The following ADI1 variants were observed in gnomAD, a reference collection of about 807,000 sequenced individuals.
ADI1 encodes the protein acireductone dioxygenase 1, also known as acireductone dioxygenase.
Under a neutral mutation model 18.7 loss-of-function variants are expected in ADI1, and 21 were observed. That is an observed-to-expected ratio of 1.13 (90% confidence interval 0.80 to 1.62). The LOEUF (loss-of-function observed/expected upper bound fraction) is 1.62. ADI1 is among the 40% of genes most tolerant of loss of function. The probability of loss-of-function intolerance (pLI) is 0.00; values close to 1 mark genes in which losing one functional copy is unlikely to be tolerated. For synonymous variants in ADI1, 90 were observed against 100.1 expected, an observed-to-expected ratio of 0.90 and a Z score of 0.60; for missense variants, 245 against 254.9, an observed-to-expected ratio of 0.96 and a Z score of 0.26.
chr2:3,499,549 A>T (rs1666947629), intron 3 of ADI1, among the ~76,000 whole-genome samples: 1 of 152,212 alleles, frequency 6.6e-6, no homozygotes, highest in Non-Finnish European at 1.5e-5. Flanking sequence ...ACTTTTAGGA[A>T]TTTACCCTAC....
At chr2:3,512,436 C>T (rs558080926) in intron 2 of ADI1, among the ~76,000 whole-genome samples, 1 of 152,240 alleles carries the variant, frequency 6.6e-6, no homozygotes, top group Non-Finnish European at 1.5e-5. Context: ...CAGAGCCCCT[C>T]TGCCCTACAG....
chr2:3,509,916 G>A (rs1341028476), intron 2 of ADI1, among the ~76,000 whole-genome samples: 1 of 152,012 alleles, frequency 6.6e-6, no homozygotes, highest in African/African-American at 2.4e-5. Flanking sequence ...GGCCAAGACA[G>A]GAGGATCACC....
Position 3,513,931 on chromosome 2 carries a change from G to C in ADI1, c.166C>G (p.Arg56Gly), listed in dbSNP as rs759756504. The change falls in exon 2 of 4, where the codon CGA becomes GGA. Residue 56 changes from arginine to glycine, a missense_variant. Coordinates refer to ENST00000327435, the MANE Select transcript of ADI1 (RefSeq NM_018269.4). ...ATCCAGGAGTAGTTCCTCTCTCTTC[G>C]GATCTTTTCTAATTCTGGATCATTC... ...YENDPELEKI[R>G]RERNYSWMDI... The C allele has an allele frequency of 2.5e-6, 4 of 1,611,652 alleles. No individual in the cohort carries two copies. The highest frequency in any genetic ancestry group is 1.1e-5 in the South Asian group (1 of 90,374).
intron 2 of ADI1, among the ~76,000 whole-genome samples, chr2:3,503,155 G>A (rs948893234): frequency 6.6e-6 from 1 of 150,714 alleles, no homozygotes; most frequent in Non-Finnish European, 1.5e-5. Flanking sequence ...ACACGTACAC[G>A]CTCTCACATG....
In ADI1 at chr2:3,503,732, A is replaced by C. The variant is rs143408250; in HGVS notation, c.241-2739T>G. 4.7e-3 allele frequency among the ~76,000 whole-genome samples: 723 copies of C among 152,308 alleles called. 8 individuals are homozygous for C. Among genetic ancestry groups the C allele is most frequent in the African/African-American group, 0.016 (680 of 41,574 alleles). ...GGGCCTGGACACGCTGTAGGTCCAGAAAGTAATGGGCTGGGGATGCGCCAG... is the reference window on the plus strand; with the variant it reads ...GGGCCTGGACACGCTGTAGGTCCAGCAAGTAATGGGCTGGGGATGCGCCAG... On this transcript the variant is annotated intron_variant, in intron 2 of 3. Transcript: ENST00000327435.
chr2:3,516,644 A>G, intron 1 of ADI1: 2 of 823,462 alleles, frequency 2.4e-6, no homozygotes, highest in African/African-American at 3.7e-5. Flanking sequence ...CTAGAACTAT[A>G]AGAATTCTAT....
At chr2:3,499,151 A>C (rs1038177489) in intron 3 of ADI1, 69 bp from the exon 4 acceptor site, 12 of 1,555,332 alleles carry the variant, frequency 7.7e-6, no homozygotes, top group Non-Finnish European at 9.6e-6. Context: ...ATTTATTAAC[A>C]TATCAACTTG....
rs1182538883 is a variant in ADI1 at position 3,500,919 on chromosome 2, G to A, written c.315C>T (p.Phe105=). The A allele has an allele frequency of 8.7e-6, 14 of 1,614,140 alleles. No individual in the cohort carries two copies. The highest frequency in any genetic ancestry group is 2.2e-5 in the East Asian group (1 of 44,868). ...ACTGGTCCTCCTTGTCCCTCACATC[G>A]AAGTACCCACTGCCATCCAGGATGT... The part of the protein sequence containing the change: ...IRYILDGSGY[F]DVRDKEDQWI... The change falls in exon 3 of 4, where the codon TTC becomes TTT. Residue 105 remains phenylalanine, a synonymous_variant. Transcript: ENST00000327435.
chr2:3,503,141 ACACACACGTACACGCTCT>A (rs1392692167), intron 2 of ADI1, among the ~76,000 whole-genome samples: 3 of 152,030 alleles, frequency 2.0e-5, no homozygotes, highest in African/African-American at 7.2e-5. Context: ...CTACACACGC[ACACACACGTACACGCTCT>A]CACATGCGTA....
rs562628206 is a variant in ADI1, at chr2:3,498,637, G to A, written c.*326C>T. 13 of 229,566 alleles carry A rather than the reference G, an allele frequency of 5.7e-5. No individual in the cohort carries two copies. Among genetic ancestry groups the A allele is most frequent in the African/African-American group, 1.8e-4 (8 of 44,380 alleles). 14.2% of individuals were successfully genotyped at this position (229,566 alleles called of 1,614,324 possible). A position where few individuals can be genotyped will look rare whatever the true frequency, so the allele number is the denominator to read the frequency against. ...TTGCACCTTCTTACACGGCAGGCGC[G>A]GCATCACGTCCAGATGGGCATCTAA... On this transcript the variant is annotated 3_prime_UTR_variant, in exon 4 of 4. Coordinates refer to ENST00000327435, the MANE Select transcript of ADI1 (RefSeq NM_018269.4).
intron 2 of ADI1, among the ~76,000 whole-genome samples, chr2:3,502,790 T>C (rs776229751): frequency 2.0e-5 from 3 of 152,032 alleles, no homozygotes; most frequent in Middle Eastern, 3.2e-3. Flanking sequence ...TTTGACTACA[T>C]CCTCAGGCTA....
chr2:3,518,289 T>C (rs1572241522), intron 1 of ADI1, among the ~76,000 whole-genome samples: 1 of 152,216 alleles, frequency 6.6e-6, no homozygotes. Flanking sequence ...TGCTGGAATA[T>C]TCTATAATCC....
chr2:3,507,590 A>G (rs1434324836), intron 2 of ADI1, among the ~76,000 whole-genome samples: 1 of 152,170 alleles, frequency 6.6e-6, no homozygotes, highest in Non-Finnish European at 1.5e-5. Flanking sequence ...AGACTTTCTC[A>G]GACAAACAAA....
In ADI1 at chr2:3,498,109, C is replaced by A. The variant is rs1361407991; in HGVS notation, c.*854G>T. On this transcript the variant is annotated 3_prime_UTR_variant, in exon 4 of 4. Coordinates refer to ENST00000327435, the MANE Select transcript of ADI1 (RefSeq NM_018269.4). ...AGGTGATTAAGAAAATTAATCCTAACATGAAGATTTTTCATCCAGTTAAAA... is the reference window on the plus strand; with the variant it reads ...AGGTGATTAAGAAAATTAATCCTAAAATGAAGATTTTTCATCCAGTTAAAA... 2 of 152,136 alleles carry A rather than the reference C, an allele frequency of 1.3e-5. No homozygotes were observed. Among genetic ancestry groups the A allele is most frequent in the African/African-American group, 4.8e-5 (2 of 41,442 alleles). 9.4% of individuals were successfully genotyped at this position (152,136 alleles called of 1,614,324 possible). A position where few individuals can be genotyped will look rare whatever the true frequency, so the allele number is the denominator to read the frequency against.
intron 2 of ADI1, among the ~76,000 whole-genome samples, chr2:3,501,516 T>A (rs1667009103): frequency 6.6e-6 from 1 of 152,136 alleles, no homozygotes; most frequent in South Asian, 2.1e-4. Context: ...AAGCATTTTC[T>A]ATGTCTTCAC....
At chr2:3,505,493 C>G (rs759502269) in intron 2 of ADI1, among the ~76,000 whole-genome samples, 5 of 152,170 alleles carry the variant, frequency 3.3e-5, no homozygotes, top group Non-Finnish European at 7.3e-5. Flanking sequence ...TGGGTCCCAA[C>G]AGTGAGTATC....
Position 3,500,806 on chromosome 2 carries a change from A to G in ADI1, c.420+8T>C, listed in dbSNP as rs769433375. On this transcript the variant is annotated splice_region_variant and intron_variant, in intron 3 of 3. Transcript: ENST00000327435. ...GCCGGGCCTGGGGAGAAAGCACAGCACTCCCACCTTCTCGTCCACCGTGAA... is the reference window on the plus strand; with the variant it reads ...GCCGGGCCTGGGGAGAAAGCACAGCGCTCCCACCTTCTCGTCCACCGTGAA... 4 of 1,613,376 alleles carry G rather than the reference A, an allele frequency of 2.5e-6. No individual in the cohort carries two copies. The East Asian group carries it at 6.7e-5, about 27-fold the overall frequency.
intron 2 of ADI1, among the ~76,000 whole-genome samples, chr2:3,510,259 G>A (rs1375156733): frequency 2.0e-5 from 3 of 152,002 alleles, no homozygotes; most frequent in Non-Finnish European, 4.4e-5. Context: ...AGACTGCAGT[G>A]AGCTATGATT....
chr2:3,506,444 C>G (rs1252761603), intron 2 of ADI1, among the ~76,000 whole-genome samples: 4 of 152,128 alleles, frequency 2.6e-5, no homozygotes, highest in Admixed American at 6.5e-5. Context: ...AACACAAAAC[C>G]ATATACATTT....
Sources: allele counts gnomAD v4.1 joint callset (sites outside exome capture counted in the v4.1 genomes callset), GRCh38; gene constraint gnomAD v4.1.1; transcripts MANE v1.5; gene names NCBI Gene and HGNC (gene_info 2026-07-23, HGNC 2026-07-21).